MMRN1: variants seen among roughly 807,000 people sequenced by gnomAD.
MMRN1 encodes the protein multimerin 1, also known as multimerin-1.
A neutral mutation model predicts 100.7 loss-of-function variants in MMRN1; 94 were observed. The observed-to-expected ratio is 0.93, with a 90% CI of 0.79 to 1.11. MMRN1 has a LOEUF of 1.11. Among genes scored for constraint, MMRN1 ranks in the 50% least tolerant of loss-of-function variants. The probability of loss-of-function intolerance (pLI) is 0.00; values close to 1 mark genes in which losing one functional copy is unlikely to be tolerated. For synonymous variants in MMRN1, 575 were observed against 505.0 expected (o/e 1.14, Z -1.86); for missense variants, 1,606 against 1,439.1 (o/e 1.12, Z -1.88).
intron 6 of MMRN1, among the ~76,000 whole-genome samples, chr4:89,948,908 G>A (rs1457281560): frequency 6.6e-6 from 1 of 152,116 alleles, no homozygotes; most frequent in Non-Finnish European, 1.5e-5. Context: ...GTCTCAAGAA[G>A]TTTGGGCTAC....
chr4:89,940,419 A>G (rs1479702963), intron 6 of MMRN1, among the ~76,000 whole-genome samples: 1 of 152,190 alleles, frequency 6.6e-6, no homozygotes, highest in Non-Finnish European at 1.5e-5. Context: ...GTGTTTTAAA[A>G]TGTAATTTTA....
intron 1 of MMRN1, among the ~76,000 whole-genome samples, chr4:89,881,126 C>T (rs1268723372): frequency 6.6e-6 from 1 of 152,044 alleles, no homozygotes; most frequent in Admixed American, 6.6e-5. Context: ...TGACTAATTT[C>T]TTTAATTTAA....
At chr4:89,942,457 T>G (rs749129465) in intron 6 of MMRN1, among the ~76,000 whole-genome samples, 6 of 152,166 alleles carry the variant, frequency 3.9e-5, no homozygotes, top group Non-Finnish European at 8.8e-5. Context: ...GTGAACATGA[T>G]ATTTTCATCC....
At chr4:89,901,363 A>G (rs1361810069) in intron 1 of MMRN1, among the ~76,000 whole-genome samples, 1 of 151,604 alleles carries the variant, frequency 6.6e-6, no homozygotes, top group Admixed American at 6.6e-5. Flanking sequence ...CAAATTAGAA[A>G]ATTAGAAATT....
chr4:89,915,163 C>T (rs1316050023), intron 3 of MMRN1, among the ~76,000 whole-genome samples: 1 of 151,576 alleles, frequency 6.6e-6, no homozygotes, highest in Non-Finnish European at 1.5e-5. Context: ...GAATATGGGG[C>T]TCCTCCAGCA....
rs1722145904 is a variant in MMRN1, at chr4:89,923,205, T to A, written c.888T>A (p.Ala296=). The A allele has an allele frequency of 6.2e-7, 1 of 1,613,858 alleles. No individual in the cohort carries two copies. The highest frequency in any genetic ancestry group is 8.5e-7 in the Non-Finnish European group (1 of 1,179,860). The change falls in exon 4 of 8, where the codon GCT becomes GCA. Residue 296 remains alanine (A), a synonymous_variant. Coordinates refer to ENST00000264790, the MANE Select transcript of MMRN1 (RefSeq NM_007351.3). Reference sequence around the variant, plus strand: ...AAAGTTTGATACACACCAACCAGGCTGAAAGTCATACAGCTGTTGGCAGAG... The same window carrying A: ...AAAGTTTGATACACACCAACCAGGCAGAAAGTCATACAGCTGTTGGCAGAG... ...EQQSLIHTNQ[A]ESHTAVGRGV...
chr4:89,906,748 A>G (rs1430821987), intron 1 of MMRN1, among the ~76,000 whole-genome samples: 1 of 151,534 alleles, frequency 6.6e-6, no homozygotes, highest in Non-Finnish European at 1.5e-5. Flanking sequence ...CATAAACCTA[A>G]TTATGAGTCA....
In MMRN1 at chr4:89,953,986, G is replaced by T. The variant is rs967722292; in HGVS notation, c.*568G>T. The T allele has an allele frequency of 3.3e-5, 5 of 152,082 alleles. No individual in the cohort carries two copies. Among genetic ancestry groups the T allele is most frequent in the Middle Eastern group, 3.2e-3 (1 of 312 alleles). 9.4% of individuals were successfully genotyped at this position (152,082 alleles called of 1,614,324 possible). ...AAAATATGAAAAATGCTTAACTATT[G>T]TTCTCTTCCTATAATTCTCTAATTA... On this transcript the variant is annotated 3_prime_UTR_variant, in exon 8 of 8. Transcript: ENST00000264790.
intron 1 of MMRN1, among the ~76,000 whole-genome samples, chr4:89,903,218 TC>T (rs1263824716): frequency 5.3e-5 from 8 of 151,888 alleles, no homozygotes; most frequent in Admixed American, 1.3e-4. Flanking sequence ...TTATAGTCTT[TC>T]AAATTAATAA....
At chr4:89,949,636 G>A (rs1485968607) in intron 6 of MMRN1, among the ~76,000 whole-genome samples, 2 of 152,152 alleles carry the variant, frequency 1.3e-5, no homozygotes, top group African/African-American at 2.4e-5. Flanking sequence ...TTGTTAAAAG[G>A]TATTACACAC....
At chr4:89,926,912 T>C (rs571542440) in intron 4 of MMRN1, among the ~76,000 whole-genome samples, 51 of 152,160 alleles carry the variant, frequency 3.4e-4, no homozygotes, top group Non-Finnish European at 6.3e-4. Flanking sequence ...TTTTGGCACC[T>C]TTGTTGAAAA....
In MMRN1 at chr4:89,944,440, G is replaced by A. The variant is rs569171055; in HGVS notation, c.3119-7165G>A. 1.6e-4 allele frequency among the ~76,000 whole-genome samples: 25 copies of A among 152,252 alleles called. No individual in the cohort carries two copies. In the East Asian group the frequency reaches 4.8e-3, roughly 29 times the overall value. On this transcript the variant is annotated intron_variant, in intron 6 of 7. Coordinates refer to ENST00000264790, the MANE Select transcript of MMRN1 (RefSeq NM_007351.3). ...ATATACACATGGGCACGTTAACTTT[G>A]CCCAAAAAGTTTGTCCAAAAAATTA...
In MMRN1 at chr4:89,936,133, C is replaced by A. The variant is rs201780689; in HGVS notation, c.2453C>A (p.Ser818Tyr). 2.5e-6 allele frequency: 4 copies of A among 1,612,440 alleles called. No homozygotes were observed. Among genetic ancestry groups the A allele is most frequent in the Middle Eastern group, 1.7e-4 (1 of 6,054 alleles). ...CCCAGAGATGAGAAACTAAATCAGT[C>A]CAACTTCCAAAAGATGTATCAAATG... ...GIPRDEKLNQ[S>Y]NFQKMYQMFN... The change falls in exon 6 of 8, where the codon TCC becomes TAC. Residue 818 changes from serine (S) to tyrosine (Y), a missense_variant. Coordinates refer to ENST00000264790, the MANE Select transcript of MMRN1 (RefSeq NM_007351.3).
upstream of MMRN1, among the ~76,000 whole-genome samples, chr4:89,892,119 A>C (rs1721068392): frequency 6.6e-6 from 1 of 151,870 alleles, no homozygotes. Context: ...ACCTACAGAC[A>C]ACCCATGTTG....
rs540914113 is a variant in MMRN1 at position 89,934,847 on chromosome 4, C to T, written c.1167C>T (p.Asp389=). 3.2e-6 allele frequency: 5 copies of T among 1,565,658 alleles called. No homozygotes were observed. Among genetic ancestry groups the T allele is most frequent in the Non-Finnish European group, 4.3e-6 (5 of 1,157,788 alleles). ...AAAGCATTAATGTACTGATAAGAGA[C>T]ATAGTAAGAGAACAATTTAAAATTT... is the stretch of plus-strand genomic sequence containing the variant. ...KSKSINVLIR[D]IVREQFKIFQ... The change falls in exon 6 of 8, where the codon GAC becomes GAT. Residue 389 remains aspartate (D), a synonymous_variant. Transcript: ENST00000264790.
intron 1 of MMRN1, among the ~76,000 whole-genome samples, chr4:89,882,879 T>C (rs1412509089): frequency 6.6e-6 from 1 of 152,006 alleles, no homozygotes; most frequent in Non-Finnish European, 1.5e-5. Context: ...ATTTTCATCA[T>C]CCCAGAAATA....
At chr4:89,904,466 C>G (rs897297905) in intron 1 of MMRN1, among the ~76,000 whole-genome samples, 1 of 148,992 alleles carries the variant, frequency 6.7e-6, no homozygotes, top group Non-Finnish European at 1.5e-5. Context: ...CCATCCCTAG[C>G]AATCACCATT....
chr4:89,897,279 G>A (rs1222112393), intron 1 of MMRN1, among the ~76,000 whole-genome samples: 6 of 151,782 alleles, frequency 4.0e-5, no homozygotes, highest in Admixed American at 3.9e-4. Context: ...CACAATCTCG[G>A]CTCACTGCAA....
intron 5 of MMRN1, among the ~76,000 whole-genome samples, chr4:89,932,818 G>T (rs1418981318): frequency 1.3e-5 from 2 of 152,118 alleles, no homozygotes; most frequent in Non-Finnish European, 2.9e-5. Context: ...AGGCACTGCT[G>T]GGAAGACCTC....
Sources: allele counts gnomAD v4.1 joint callset (sites outside exome capture counted in the v4.1 genomes callset), GRCh38; gene constraint gnomAD v4.1.1; transcripts MANE v1.5; gene names NCBI Gene and HGNC (gene_info 2026-07-23, HGNC 2026-07-21).